Variants in FBN2 observed in about 807,000 individuals in gnomAD.
FBN2 encodes the protein fibrillin 2.
In FBN2, 105 loss-of-function variants were observed where a neutral mutation model predicts 355.6. The ratio of observed to expected loss-of-function variants is 0.30; its 90% CI spans 0.25 to 0.35. The LOEUF is 0.35. Ranked by LOEUF, FBN2 falls within the 10% of genes least tolerant of loss-of-function variation. FBN2 has a pLI of 1.00. For synonymous variants in FBN2, 1,350 were observed against 1,301.2 expected (o/e 1.04, Z -0.81); for missense variants, 3,280 against 3,758.7 (o/e 0.87, Z 3.33).
At chr5:128,463,779 C>A (rs1754622718) in intron 6 of FBN2, among the ~76,000 whole-genome samples, 1 of 152,188 alleles carries the variant, frequency 6.6e-6, no homozygotes, top group African/African-American at 2.4e-5. Context: ...TGTGACACAG[C>A]TTACTAACAT....
rs1465926624 is a variant in FBN2 at position 128,257,999 on chromosome 5, C to T, written c.*1456G>A. The T allele has an allele frequency of 1.3e-5, 2 of 152,456 alleles. No individual in the cohort carries two copies. Among genetic ancestry groups the T allele is most frequent in the Non-Finnish European group, 2.9e-5 (2 of 68,032 alleles). 9.4% of individuals were successfully genotyped at this position (152,456 alleles called of 1,614,324 possible). A position where few individuals can be genotyped will look rare whatever the true frequency, so the allele number is the denominator to read the frequency against. On this transcript the variant is annotated 3_prime_UTR_variant, in exon 65 of 65. Coordinates refer to ENST00000262464, the MANE Select transcript of FBN2 (RefSeq NM_001999.4). Reference sequence around the variant, plus strand: ...CAAAACCAAAAACCATAAGTTTTTCCTCACAAACTCTTGATTACAAATTTA... The same window carrying T: ...CAAAACCAAAAACCATAAGTTTTTCTTCACAAACTCTTGATTACAAATTTA...
intron 1 of FBN2, among the ~76,000 whole-genome samples, chr5:128,536,745 T>G (rs1003211237): frequency 4.6e-5 from 7 of 152,148 alleles, no homozygotes; most frequent in Non-Finnish European, 1.0e-4. Flanking sequence ...AAAAGAGGCA[T>G]GGAAACATAT....
chr5:128,297,595 CTTCT>C (rs1327312743), intron 48 of FBN2, among the ~76,000 whole-genome samples: 6 of 152,134 alleles, frequency 3.9e-5, no homozygotes, highest in South Asian at 4.1e-4. Context: ...AAGTAATGGC[CTTCT>C]TTGTCTCTTT....
intron 8 of FBN2, among the ~76,000 whole-genome samples, chr5:128,401,237 T>A (rs1047815002): frequency 1.3e-5 from 2 of 152,216 alleles, no homozygotes; most frequent in Admixed American, 1.3e-4. Flanking sequence ...GAGTATGCAA[T>A]GATATTGAGA....
At chr5:128,447,119 G>C (rs941298109) in intron 6 of FBN2, among the ~76,000 whole-genome samples, 1 of 152,036 alleles carries the variant, frequency 6.6e-6, no homozygotes, top group African/African-American at 2.4e-5. Context: ...GAGGATGTAG[G>C]TCGCCTCAGG....
chr5:128,398,792 G>A (rs952581933), intron 8 of FBN2, among the ~76,000 whole-genome samples: 17 of 152,264 alleles, frequency 1.1e-4, no homozygotes, highest in African/African-American at 3.9e-4. Flanking sequence ...ACTGAATCAC[G>A]GGGGCAGGAC....
Position 128,316,963 on chromosome 5 carries a change from G to A in FBN2, c.4717+1186C>T, listed in dbSNP as rs572184915. Among the ~76,000 whole-genome samples the A allele has an allele frequency of 3.3e-5, 5 of 152,180 alleles. No individual in the cohort carries two copies. The East Asian group carries it at 5.8e-4, about 18-fold the overall frequency. ...CAGCCTGGGTTGAGAATCACTTTGC[G>A]AACTGGGCGACTGCTCCTCTGATTC... On this transcript the variant is annotated intron_variant, in intron 36 of 64. Coordinates refer to ENST00000262464, the MANE Select transcript of FBN2 (RefSeq NM_001999.4).
intron 5 of FBN2, among the ~76,000 whole-genome samples, chr5:128,481,274 C>T (rs1447671717): frequency 6.6e-6 from 1 of 152,124 alleles, no homozygotes; most frequent in African/African-American, 2.4e-5. Flanking sequence ...TAAAAGACCC[C>T]TTTTGATTCA....
At chr5:128,300,109 C>T (rs954482792) in intron 48 of FBN2, among the ~76,000 whole-genome samples, 25 of 152,038 alleles carry the variant, frequency 1.6e-4, no homozygotes, top group African/African-American at 3.9e-4. Context: ...TTGCCAAGGG[C>T]GATAGAATTG....
chr5:128,382,540 C>A (rs1285424376), intron 11 of FBN2, among the ~76,000 whole-genome samples: 1 of 152,070 alleles, frequency 6.6e-6, no homozygotes, highest in Non-Finnish European at 1.5e-5. Flanking sequence ...CTACCCCGGA[C>A]ATTCCTCTTA....
chr5:128,412,908 G>A (rs1753108727), intron 7 of FBN2, among the ~76,000 whole-genome samples: 1 of 152,114 alleles, frequency 6.6e-6, no homozygotes, highest in Non-Finnish European at 1.5e-5. Context: ...ATGAGGAAGG[G>A]AACATATATT....
In FBN2 at chr5:128,537,335, C is replaced by A. The variant is rs755337567; in HGVS notation, c.254+15G>T. The A allele has an allele frequency of 6.2e-7, 1 of 1,609,368 alleles. No homozygotes were observed. Among genetic ancestry groups the A allele is most frequent in the Non-Finnish European group, 8.5e-7 (1 of 1,179,784 alleles). ...CAAGCCGGAGCCCTAGGTGCGGAGC[C>A]GCTTGCCCACTTACCCTCGGAGCAC... On this transcript the variant is annotated intron_variant, in intron 1 of 64. Coordinates refer to ENST00000262464, the MANE Select transcript of FBN2 (RefSeq NM_001999.4).
Position 128,389,184 on chromosome 5 carries a change from G to T in FBN2, c.1603+2834C>A, listed in dbSNP as rs1380397373. ...TGTAGTGAGTTTTTCAGCTCTATCAGATCAGTTTGCTTCTTAAGAACATGC... is the reference window on the plus strand; with the variant it reads ...TGTAGTGAGTTTTTCAGCTCTATCATATCAGTTTGCTTCTTAAGAACATGC... On this transcript the variant is annotated intron_variant, in intron 11 of 64. Coordinates refer to ENST00000262464, the MANE Select transcript of FBN2 (RefSeq NM_001999.4). Among the ~76,000 whole-genome samples, 4 of 152,156 alleles carry T rather than the reference G, an allele frequency of 2.6e-5. No homozygotes were observed. In the East Asian group the frequency reaches 7.7e-4, roughly 29 times the overall value.
intron 7 of FBN2, among the ~76,000 whole-genome samples, chr5:128,427,917 A>T (rs979511375): frequency 6.6e-6 from 1 of 152,156 alleles, no homozygotes; most frequent in Non-Finnish European, 1.5e-5. Flanking sequence ...GGTTCGGTAA[A>T]CATTCCTGAT....
At chr5:128,408,894 G>A (rs769446628) in intron 7 of FBN2, 95 bp from the exon 8 acceptor site, 92 of 1,325,716 alleles carry the variant, frequency 6.9e-5, no homozygotes, top group Non-Finnish European at 9.7e-5. Flanking sequence ...GAGCATTCAT[G>A]GTTGATTAGG....
intron 58 of FBN2, among the ~76,000 whole-genome samples, chr5:128,276,553 A>G (rs1765399031): frequency 6.6e-6 from 1 of 152,172 alleles, no homozygotes; most frequent in Non-Finnish European, 1.5e-5. Context: ...GGGATCACAG[A>G]TGGTGCTGGA....
chr5:128,320,962 A>G lies in FBN2; in HGVS notation c.4472-1961T>C, dbSNP rs538559265. Among the ~76,000 whole-genome samples, 50 of 152,242 alleles carry G rather than the reference A, an allele frequency of 3.3e-4. 1 individual carries two copies. The South Asian group carries it at 9.5e-3, about 29-fold the overall frequency. On this transcript the variant is annotated intron_variant, in intron 34 of 64. Coordinates refer to ENST00000262464, the MANE Select transcript of FBN2 (RefSeq NM_001999.4). ...TCCAACTCCTTATTTTTATTTAATT[A>G]TGTTCACTTTTTTAATGTCTATGGC...
intron 49 of FBN2, 76 bp downstream of exon 49, chr5:128,291,452 AC>A: frequency 1.3e-6 from 2 of 1,520,164 alleles, no homozygotes; most frequent in Non-Finnish European, 1.8e-6. Flanking sequence ...TAGGACTAAT[AC>A]CAGCATGATG....
chr5:128,330,859 G>A (rs577506875), intron 32 of FBN2, among the ~76,000 whole-genome samples, 164 bp from the exon 33 acceptor site: 2 of 152,220 alleles, frequency 1.3e-5, no homozygotes, highest in African/African-American at 2.4e-5. Context: ...AATGTCCAAT[G>A]TCCAGGCTAT....
Sources: allele counts gnomAD v4.1 joint callset (sites outside exome capture counted in the v4.1 genomes callset), GRCh38; gene constraint gnomAD v4.1.1; transcripts MANE v1.5; gene names NCBI Gene and HGNC (gene_info 2026-07-23, HGNC 2026-07-21).